The following ADAD1 variants were observed in gnomAD, a reference collection of about 807,000 sequenced individuals.
ADAD1 encodes the protein adenosine deaminase domain containing 1.
Under a neutral mutation model 66.8 loss-of-function variants are expected in ADAD1, and 46 were observed. The observed-to-expected ratio is 0.69, with a 90% CI of 0.54 to 0.88. ADAD1 has a LOEUF of 0.88. ADAD1 is among the 40% of genes least tolerant of loss of function. The probability of loss-of-function intolerance (pLI) is 0.00; values close to 1 mark genes in which losing one functional copy is unlikely to be tolerated. For synonymous variants in ADAD1, 248 were observed against 229.4 expected (o/e 1.08, Z -0.73); for missense variants, 617 against 681.8 (o/e 0.91, Z 1.06).
chr4:122,395,034 A>G (rs531187166), intron 6 of ADAD1, among the ~76,000 whole-genome samples: 3 of 152,016 alleles, frequency 2.0e-5, no homozygotes, highest in Non-Finnish European at 4.4e-5. Context: ...GTGGTTTGCT[A>G]TATATATGTG....
intron 5 of ADAD1, among the ~76,000 whole-genome samples, chr4:122,391,125 A>G (rs1160611861): frequency 6.6e-6 from 1 of 152,050 alleles, no homozygotes; most frequent in Non-Finnish European, 1.5e-5. Flanking sequence ...CCTCTTCTGC[A>G]AGGCTGCTGC....
intron 8 of ADAD1, among the ~76,000 whole-genome samples, chr4:122,409,339 C>G (rs761421731): frequency 6.6e-6 from 1 of 151,982 alleles, no homozygotes; most frequent in Non-Finnish European, 1.5e-5. Flanking sequence ...GTTTTTAATT[C>G]TTCTTTATTC....
At chr4:122,383,105 G>C (rs1033221034) in intron 4 of ADAD1, among the ~76,000 whole-genome samples, 2 of 152,110 alleles carry the variant, frequency 1.3e-5, no homozygotes, top group African/African-American at 4.8e-5. Context: ...CGGGAGACAA[G>C]ACAATTCTAT....
chr4:122,392,342 A>G (rs1316698222), intron 5 of ADAD1, among the ~76,000 whole-genome samples: 1 of 152,244 alleles, frequency 6.6e-6, no homozygotes, highest in Admixed American at 6.5e-5. Context: ...AGTGTGGTAC[A>G]TACACAACTG....
intron 4 of ADAD1, 33 bp downstream of exon 4, chr4:122,381,213 A>C: frequency 6.6e-7 from 1 of 1,519,068 alleles, no homozygotes; most frequent in Non-Finnish European, 8.8e-7. Flanking sequence ...CTCAAAAACA[A>C]AACGAAAAGT....
chr4:122,385,705 C>T (rs1482689036), intron 5 of ADAD1, among the ~76,000 whole-genome samples: 2 of 152,156 alleles, frequency 1.3e-5, no homozygotes, highest in African/African-American at 4.8e-5. Context: ...ACTCCCACCC[C>T]CTAAAAGGCC....
At chr4:122,424,354 T>G (rs1797137457) in intron 12 of ADAD1, among the ~76,000 whole-genome samples, 1 of 152,316 alleles carries the variant, frequency 6.6e-6, no homozygotes, top group Non-Finnish European at 1.5e-5. Context: ...TCTATATATT[T>G]GCTCTTATTT....
At chr4:122,405,704 C>G (rs1796176431) in intron 7 of ADAD1, among the ~76,000 whole-genome samples, 1 of 152,124 alleles carries the variant, frequency 6.6e-6, no homozygotes, top group Admixed American at 6.5e-5. Context: ...TTTACAACTC[C>G]AAGTTTGTAC....
chr4:122,381,110 T>C lies in ADAD1; in HGVS notation c.291T>C (p.Pro97=), dbSNP rs776546180. Residue 97 remains proline, a synonymous_variant, in exon 4 of 13, where the codon CCT becomes CCC. Coordinates refer to ENST00000296513, the MANE Select transcript of ADAD1 (RefSeq NM_139243.4). ...AATACAAACGTGGAGAGATAAATCCTGTGTCAGCCTTGCACCAGTTTGCAC... is the reference window on the plus strand; with the variant it reads ...AATACAAACGTGGAGAGATAAATCCCGTGTCAGCCTTGCACCAGTTTGCAC... ...IMKYKRGEIN[P]VSALHQFAQM... The C allele has an allele frequency of 1.2e-6, 2 of 1,604,980 alleles. No homozygotes were observed. Among genetic ancestry groups the C allele is most frequent in the African/African-American group, 1.3e-5 (1 of 74,092 alleles).
intron 5 of ADAD1, among the ~76,000 whole-genome samples, chr4:122,391,684 CTTGGGACTTGTCTTTTTTGTTTGTT>C (rs1377485671): frequency 6.6e-6 from 1 of 152,162 alleles, no homozygotes; most frequent in African/African-American, 2.4e-5. Flanking sequence ...GGGGATAAGT[CTTGGGACTTGTCTTTTTTGTTTGTT>C]TGTTTTTTGT....
In ADAD1 at chr4:122,380,245, C is replaced by T. The variant is rs13106984; in HGVS notation, c.172+4C>T. On this transcript the variant is annotated splice_donor_region_variant and intron_variant, in intron 3 of 12. Transcript: ENST00000296513. ...TCCAAGGTTACGCAAGTAACGGGTA[C>T]GACTTTTTTCATTTGTAACAATGAG... 8.1e-5 allele frequency: 129 copies of T among 1,600,136 alleles called. 1 individual carries two copies. Among genetic ancestry groups the T allele is most frequent in the South Asian group, 3.9e-4 (34 of 88,224 alleles).
intron 11 of ADAD1, among the ~76,000 whole-genome samples, chr4:122,417,685 A>T (rs1242347038): frequency 6.6e-6 from 1 of 152,228 alleles, no homozygotes; most frequent in African/African-American, 2.4e-5. Flanking sequence ...ACTCTGCATC[A>T]TAAAAATATA....
At chr4:122,417,731 A>G (rs1021520218) in intron 11 of ADAD1, among the ~76,000 whole-genome samples, 1 of 152,354 alleles carries the variant, frequency 6.6e-6, no homozygotes, top group South Asian at 2.1e-4. Flanking sequence ...ATAGAACACT[A>G]ACAAAAAGCT....
chr4:122,380,251 T>G lies in ADAD1; in HGVS notation c.172+10T>G. ...GTTACGCAAGTAACGGGTACGACTT[T>G]TTTCATTTGTAACAATGAGTCAGTT... is the stretch of plus-strand genomic sequence containing the variant. On this transcript the variant is annotated intron_variant, in intron 3 of 12. Coordinates refer to ENST00000296513, the MANE Select transcript of ADAD1 (RefSeq NM_139243.4). The G allele has an allele frequency of 6.3e-7, 1 of 1,598,278 alleles. No homozygotes were observed. The highest frequency in any genetic ancestry group is 8.5e-7 in the Non-Finnish European group (1 of 1,174,430).
At chr4:122,426,672 T>G (rs937475831) in intron 12 of ADAD1, among the ~76,000 whole-genome samples, 1 of 152,246 alleles carries the variant, frequency 6.6e-6, no homozygotes, top group African/African-American at 2.4e-5. Context: ...GCAAGGTTGA[T>G]TTGAGATCAG....
intron 5 of ADAD1, among the ~76,000 whole-genome samples, chr4:122,392,069 GA>G (rs1445860353): frequency 6.6e-6 from 1 of 152,034 alleles, no homozygotes; most frequent in Non-Finnish European, 1.5e-5. Context: ...TTTGTTTATT[GA>G]AATTATTTAT....
At chr4:122,403,391 G>T (rs1181388900) in intron 7 of ADAD1, among the ~76,000 whole-genome samples, 3 of 152,192 alleles carry the variant, frequency 2.0e-5, no homozygotes, top group Admixed American at 6.5e-5. Context: ...TCTGGTAGAG[G>T]TGGCAGGGTA....
rs747766065 is a variant in ADAD1, at chr4:122,429,692, G to A, written c.1684G>A (p.Gly562Arg). Residue 562 changes from glycine (G) to arginine (R), a missense_variant, in exon 13 of 13, where the codon GGA (glycine) becomes AGA (arginine). Physicochemically the swap from Gly to Arg is moderately radical, Grantham distance 125. Transcript: ENST00000296513. ...LKSYLQQHGY[G>R]SWIVKSPCIE... ...ATCCTACTTACAACAACATGGCTAT[G>A]GATCCTGGATTGTGAAATCTCCCTG... 1.2e-6 allele frequency: 2 copies of A among 1,613,432 alleles called. No individual in the cohort carries two copies. The highest frequency in any genetic ancestry group is 1.7e-6 in the Non-Finnish European group (2 of 1,179,646).
intron 12 of ADAD1, among the ~76,000 whole-genome samples, chr4:122,426,336 A>G (rs1797236446): frequency 6.6e-6 from 1 of 152,142 alleles, no homozygotes; most frequent in Non-Finnish European, 1.5e-5. Flanking sequence ...TCAAATTACT[A>G]ATTAAATTAT....
Sources: allele counts gnomAD v4.1 joint callset (sites outside exome capture counted in the v4.1 genomes callset), GRCh38; gene constraint gnomAD v4.1.1; transcripts MANE v1.5; gene names NCBI Gene and HGNC (gene_info 2026-07-23, HGNC 2026-07-21).